Variants in LBHD1 observed in about 807,000 individuals in gnomAD.
The protein encoded by LBHD1 is LBH domain-containing protein 1.
In LBHD1, 28 loss-of-function variants were observed where a neutral mutation model predicts 31.1. That is an observed-to-expected ratio of 0.90 (90% CI 0.67 to 1.24). The LOEUF is 1.24. LBHD1 is among the 50% of genes most tolerant of loss of function. LBHD1 has a pLI of 0.00. For missense variants in LBHD1, 350 were observed against 323.0 expected (o/e 1.08, Z -0.64); for synonymous variants, 105 against 116.5 (o/e 0.90, Z 0.63).
Position 62,672,172 on chromosome 11 carries a change from G to A in LBHD1, c.-619C>T. On this transcript the variant is annotated 5_prime_UTR_variant, in exon 1 of 7. Transcript: ENST00000354588. ...GGCTTGGGCGCAGGAATCCGAGGCA[G>A]CCTTTCTCCTTCGTGGGCCCAGCGG... 6.6e-7 allele frequency: 1 copy of A among 1,505,640 alleles called. No homozygotes were observed. 93.3% of individuals were successfully genotyped at this position (1,505,640 alleles called of 1,614,324 possible). A position where few individuals can be genotyped will look rare whatever the true frequency, so the allele number is the denominator to read the frequency against.
intron 5 of LBHD1, among the ~76,000 whole-genome samples, chr11:62,664,152 A>G (rs1179626755): frequency 1.3e-5 from 2 of 151,132 alleles, no homozygotes; most frequent in Non-Finnish European, 2.9e-5. Context: ...CTCAAGACAC[A>G]GGAGGCCTTG....
intron 4 of LBHD1, chr11:62,665,300 G>T (rs1007577564): frequency 2.8e-6 from 2 of 709,678 alleles, no homozygotes; most frequent in South Asian, 1.6e-5. Flanking sequence ...GGAGCTCCGC[G>T]GTGCGGGAGG....
chr11:62,662,958 G>T lies in LBHD1; in HGVS notation c.*171C>A. On this transcript the variant is annotated 3_prime_UTR_variant, in exon 7 of 7. Coordinates refer to ENST00000354588, the MANE Select transcript of LBHD1 (RefSeq NM_024099.5). Reference sequence around the variant, plus strand: ...CATTAGGTAGGAGGAAATCTGGAGAGTGAAAAGGGGCCTTGCTTTTGTCAA... The same window carrying T: ...CATTAGGTAGGAGGAAATCTGGAGATTGAAAAGGGGCCTTGCTTTTGTCAA... 1 of 979,886 alleles carries T rather than the reference G, an allele frequency of 1.0e-6. No individual in the cohort carries two copies. Among genetic ancestry groups the T allele is most frequent in the Non-Finnish European group, 1.5e-6 (1 of 660,966 alleles). The allele number at this position is 979,886 out of a possible 1,614,324, so 60.7% of individuals were successfully genotyped here.
intron 4 of LBHD1, chr11:62,666,405 C>A: frequency 6.2e-7 from 1 of 1,609,714 alleles, no homozygotes; most frequent in Non-Finnish European, 8.5e-7. Context: ...GGCTCACTGG[C>A]TGATAGTTGC....
At chr11:62,665,832 T>TGG (rs778575685) in intron 4 of LBHD1, 22 of 1,601,898 alleles carry the variant, frequency 1.4e-5, no homozygotes, top group Non-Finnish European at 1.9e-5. Context: ...TGGAGTAGGG[T>TGG]GGACGCTTCA....
intron 4 of LBHD1, 76 bp from the exon 5 acceptor site, chr11:62,665,049 C>G: frequency 1.9e-6 from 3 of 1,584,290 alleles, no homozygotes; most frequent in Non-Finnish European, 2.6e-6. Flanking sequence ...GCAGCCCCGG[C>G]CCCTCACTGA....
intron 4 of LBHD1, chr11:62,665,764 GC>G (rs1944790359): frequency 6.6e-7 from 1 of 1,514,954 alleles, no homozygotes; most frequent in South Asian, 1.3e-5. Flanking sequence ...GAAGCTGTAC[GC>G]CGCCTTTCGC....
rs192448421 is a variant in LBHD1 at position 62,662,976 on chromosome 11, T to G, written c.*153A>C. On this transcript the variant is annotated 3_prime_UTR_variant, in exon 7 of 7. Coordinates refer to ENST00000354588, the MANE Select transcript of LBHD1 (RefSeq NM_024099.5). Reference sequence around the variant, plus strand: ...CTGGAGAGTGAAAAGGGGCCTTGCTTTTGTCAAAGTCCTCTGAAACAACCA... The same window carrying G: ...CTGGAGAGTGAAAAGGGGCCTTGCTGTTGTCAAAGTCCTCTGAAACAACCA... 22 of 1,212,202 alleles carry G rather than the reference T, an allele frequency of 1.8e-5. No homozygotes were observed. In the African/African-American group the frequency reaches 3.2e-4, roughly 18 times the overall value. The allele number at this position is 1,212,202 out of a possible 1,614,324, so 75.1% of individuals were successfully genotyped here.
At chr11:62,666,223 C>T in intron 4 of LBHD1, 1 of 764,258 alleles carries the variant, frequency 1.3e-6, no homozygotes, top group African/African-American at 1.8e-5. Context: ...ATAGTCCTAG[C>T]TACTCAGGAG....
At chr11:62,665,180 C>T in intron 4 of LBHD1, 1 of 823,168 alleles carries the variant, frequency 1.2e-6, no homozygotes, top group Non-Finnish European at 2.0e-6. Flanking sequence ...AGTCGCGATT[C>T]CACTCCAGTT....
rs142209878 is a variant in LBHD1 at position 62,669,643 on chromosome 11, G to C, written c.311C>G (p.Pro104Arg). 82 of 1,612,106 alleles carry C rather than the reference G, an allele frequency of 5.1e-5. No individual in the cohort carries two copies. The African/African-American group carries it at 9.9e-4, about 19-fold the overall frequency. The change falls in exon 3 of 7, where the codon CCA becomes CGA. Residue 104 changes from proline to arginine, a missense_variant and splice_region_variant. By Grantham distance (103) the Pro-to-Arg change is moderately radical. Coordinates refer to ENST00000354588, the MANE Select transcript of LBHD1 (RefSeq NM_024099.5). The part of the protein sequence containing the change: ...EAFFQDQSEE[P>R]GWAWSPQDPR... ...CCTGAATGAGCCACCTCCCTCACCT[G>C]GCTCTTCACTTTGGTCTTGGAAGAA... is the stretch of plus-strand genomic sequence containing the variant.
At chr11:62,668,058 G>A in intron 3 of LBHD1, 1 of 245,272 alleles carries the variant, frequency 4.1e-6, no homozygotes. Flanking sequence ...TAATTTCTGT[G>A]GTATTTTTTG....
chr11:62,671,647 G>T lies in LBHD1; in HGVS notation c.-94C>A. 1.3e-6 allele frequency: 2 copies of T among 1,544,078 alleles called. No homozygotes were observed. The highest frequency in any genetic ancestry group is 1.2e-5 in the South Asian group (1 of 84,288). The stretch of plus-strand genomic sequence containing the variant: ...CCGCTTATCTATGGTTTCTGCTATA[G>T]GGCGCTCTAGCCTGCGCCAAGGGGT... On this transcript the variant is annotated 5_prime_UTR_variant, in exon 1 of 7. Transcript: ENST00000354588.
Position 62,670,247 on chromosome 11 carries a change from C to T in LBHD1, c.-10-206G>A, listed in dbSNP as rs1379868386. On this transcript the variant is annotated intron_variant, in intron 1 of 6. Transcript: ENST00000354588. ...CTCCCTGGAGACACTGGGATGGCAACAAGGGTAGGAGACAAGGGCACCTGG... is the reference window on the plus strand; with the variant it reads ...CTCCCTGGAGACACTGGGATGGCAATAAGGGTAGGAGACAAGGGCACCTGG... 6 of 582,280 alleles carry T rather than the reference C, an allele frequency of 1.0e-5. No individual in the cohort carries two copies. The East Asian group carries it at 1.8e-4, about 17-fold the overall frequency. The allele number at this position is 582,280 out of a possible 1,614,324, so 36.1% of individuals were successfully genotyped here.
At position 62,671,755 on chromosome 11, in the gene LBHD1, T is replaced by C; in HGVS notation, c.-202A>G. On this transcript the variant is annotated 5_prime_UTR_variant, in exon 1 of 7. Transcript: ENST00000354588. ...GGCTGTGCAGGCGGCCATGGATTCC[T>C]TGCGGAAAATGCTGATCTCAGTCGC... 2 of 1,613,796 alleles carry C rather than the reference T, an allele frequency of 1.2e-6. No homozygotes were observed. Among genetic ancestry groups the C allele is most frequent in the Middle Eastern group, 1.7e-4 (1 of 6,058 alleles).
At position 62,671,581 on chromosome 11, in the gene LBHD1, C is replaced by G. The variant is rs565512437; in HGVS notation, c.-28G>C. 16 of 1,459,898 alleles carry G rather than the reference C, an allele frequency of 1.1e-5. No homozygotes were observed. Among genetic ancestry groups the G allele is most frequent in the South Asian group, 1.4e-5 (1 of 69,578 alleles). The allele number at this position is 1,459,898 out of a possible 1,614,324, so 90.4% of individuals were successfully genotyped here. On this transcript the variant is annotated 5_prime_UTR_variant, in exon 1 of 7. Coordinates refer to ENST00000354588, the MANE Select transcript of LBHD1 (RefSeq NM_024099.5). ...AGCTAAACCTGAGATCCAAGCGCTC[C>G]GGATTCCAAACGTTTCCTCGAGCAG...
At chr11:62,666,165 T>C (rs901026007) in intron 4 of LBHD1, 29 of 700,200 alleles carry the variant, frequency 4.1e-5, no homozygotes, top group African/African-American at 7.2e-5. Context: ...TAGGGCAACA[T>C]AGCGAGACCC....
At chr11:62,666,980 GTGAC>G (rs749004297) in intron 4 of LBHD1, 11 of 1,614,148 alleles carry the variant, frequency 6.8e-6, no homozygotes, top group Non-Finnish European at 9.3e-6. Context: ...TGGCTGGACT[GTGAC>G]TGTGCAGGAG....
At chr11:62,665,555 A>C (rs1444379245) in intron 4 of LBHD1, 3 of 1,568,472 alleles carry the variant, frequency 1.9e-6, no homozygotes, top group Non-Finnish European at 1.7e-6. Context: ...TTCTATCCTC[A>C]AACGCCGGGA....
Sources: gnomAD v4.1 joint callset for allele counts (sites outside exome capture counted in the v4.1 genomes callset) on GRCh38, gnomAD v4.1.1 for gene constraint, MANE v1.5 for transcripts, NCBI Gene and HGNC (gene_info 2026-07-23, HGNC 2026-07-21) for gene names.